Variants in PEBP4 observed in about 807,000 individuals in gnomAD.
The protein encoded by PEBP4 is phosphatidylethanolamine binding protein 4.
PEBP4 carries 22 observed loss-of-function variants against 23.9 expected under a neutral mutation model. The observed-to-expected ratio is 0.92, with a 90% CI of 0.66 to 1.31. The LOEUF (loss-of-function observed/expected upper bound fraction) is 1.31, where lower values mean the gene tolerates loss of function less well. Ranked by LOEUF, PEBP4 falls within the 40% of genes most tolerant of loss-of-function variation. PEBP4 has a pLI of 0.00. For missense variants in PEBP4, 324 were observed against 281.7 expected, an observed-to-expected ratio of 1.15 and a Z score of -1.07; for synonymous variants, 112 against 99.3, an observed-to-expected ratio of 1.13 and a Z score of -0.76.
At chr8:22,939,531 G>A (rs571025012) in intron 1 of PEBP4, among the ~76,000 whole-genome samples, 1 of 152,144 alleles carries the variant, frequency 6.6e-6, no homozygotes, top group South Asian at 2.1e-4. Flanking sequence ...ATGGCTTATT[G>A]TTAAGTTCAT....
At chr8:22,744,260 A>T (rs769065826) in intron 4 of PEBP4, among the ~76,000 whole-genome samples, 8 of 152,172 alleles carry the variant, frequency 5.3e-5, no homozygotes, top group Non-Finnish European at 1.0e-4. Context: ...GTAGCACCTG[A>T]GGGAGGTGGG....
At chr8:22,772,727 G>C (rs1264044846) in intron 4 of PEBP4, among the ~76,000 whole-genome samples, 1 of 152,156 alleles carries the variant, frequency 6.6e-6, no homozygotes, top group Non-Finnish European at 1.5e-5. Flanking sequence ...GCTGGTCTGG[G>C]ACCCAGGCCC....
intron 4 of PEBP4, among the ~76,000 whole-genome samples, chr8:22,752,009 A>G (rs1302405359): frequency 6.6e-6 from 1 of 152,060 alleles, no homozygotes; most frequent in African/African-American, 2.4e-5. Context: ...CAATCCTCCT[A>G]CCTCAGCCTC....
intron 3 of PEBP4, among the ~76,000 whole-genome samples, chr8:22,855,339 C>G (rs1251242956): frequency 1.3e-5 from 2 of 152,144 alleles, no homozygotes; most frequent in Non-Finnish European, 2.9e-5. Context: ...ATGCAGGGAA[C>G]TTTTGTAAAG....
chr8:22,830,570 T>A (rs1032932218), intron 3 of PEBP4, among the ~76,000 whole-genome samples: 1 of 152,174 alleles, frequency 6.6e-6, no homozygotes, highest in African/African-American at 2.4e-5. Context: ...CCACTTTCCA[T>A]CTTCCTTTGG....
At chr8:22,739,969 G>C (rs1206525956) in intron 4 of PEBP4, among the ~76,000 whole-genome samples, 3 of 152,224 alleles carry the variant, frequency 2.0e-5, no homozygotes, top group African/African-American at 7.2e-5. Flanking sequence ...AAGGCTGGTA[G>C]CAGCAGGTGG....
intron 5 of PEBP4, among the ~76,000 whole-genome samples, chr8:22,726,034 C>CTGTGTGTGT (rs1804618286): frequency 1.0e-5 from 1 of 97,984 alleles, no homozygotes; most frequent in Non-Finnish European, 2.6e-5. Context: ...TGTGTGTGCA[C>CTGTGTGTGT]GCGCATGTGC....
chr8:22,781,989 T>C (rs1464315559), intron 4 of PEBP4, among the ~76,000 whole-genome samples: 1 of 152,186 alleles, frequency 6.6e-6, no homozygotes, highest in East Asian at 1.9e-4. Flanking sequence ...TCCCCCTCTT[T>C]AATCTCAGCA....
intron 4 of PEBP4, among the ~76,000 whole-genome samples, chr8:22,781,316 G>T (rs1378930413): frequency 6.6e-6 from 1 of 152,156 alleles, no homozygotes; most frequent in Non-Finnish European, 1.5e-5. Context: ...GGAAGGGGCT[G>T]GTGGAAACTC....
intron 4 of PEBP4, among the ~76,000 whole-genome samples, chr8:22,780,468 A>T (rs898013579): frequency 1.3e-5 from 2 of 151,546 alleles, no homozygotes; most frequent in African/African-American, 4.9e-5. Flanking sequence ...AGTAGAGAGA[A>T]CCTCCCTGGG....
At chr8:22,914,665 C>G (rs1809032568) in intron 3 of PEBP4, among the ~76,000 whole-genome samples, 1 of 152,224 alleles carries the variant, frequency 6.6e-6, no homozygotes, top group African/African-American at 2.4e-5. Flanking sequence ...AGAGTCCACG[C>G]CTGCTGGAAC....
intron 4 of PEBP4, among the ~76,000 whole-genome samples, chr8:22,799,198 G>A (rs940836524): frequency 3.3e-5 from 5 of 152,086 alleles, no homozygotes; most frequent in South Asian, 2.1e-4. Flanking sequence ...CCCTCCTGCC[G>A]TCCTCCCTTC....
Position 22,817,745 on chromosome 8 carries a change from A to G in PEBP4, c.259-10T>C, listed in dbSNP as rs1806774672. 3 of 1,612,146 alleles carry G rather than the reference A, an allele frequency of 1.9e-6. No individual in the cohort carries two copies. Among genetic ancestry groups the G allele is most frequent in the Admixed American group, 1.7e-5 (1 of 60,028 alleles). On this transcript the variant is annotated splice_polypyrimidine_tract_variant and intron_variant, in intron 3 of 6. Coordinates refer to ENST00000256404, the MANE Select transcript of PEBP4 (RefSeq NM_144962.3). ...GGATATAGGTTGCGCCCTGTAACAC[A>G]TGTACCGAAAAGTAATGTAGCGTCA...
intron 2 of PEBP4, among the ~76,000 whole-genome samples, chr8:22,920,905 C>G (rs1031029157): frequency 1.3e-5 from 2 of 152,242 alleles, no homozygotes; most frequent in African/African-American, 4.8e-5. Context: ...GCAAACATCC[C>G]TCAGGGGGTA....
chr8:22,725,022 C>T (rs1469873498), intron 5 of PEBP4, 66 bp from the exon 6 acceptor site: 1 of 1,385,780 alleles, frequency 7.2e-7, no homozygotes, highest in African/African-American at 1.4e-5. Flanking sequence ...GAGCTCTCTG[C>T]CTTCCCATGG....
intron 6 of PEBP4, among the ~76,000 whole-genome samples, chr8:22,720,490 G>A (rs17088571): frequency 0.063 from 9,642 of 152,328 alleles, 456 homozygotes; most frequent in East Asian, 0.21. Context: ...GCACACAAGG[G>A]CAATGGTACA....
intron 4 of PEBP4, among the ~76,000 whole-genome samples, chr8:22,809,427 G>T (rs1390757151): frequency 6.6e-6 from 1 of 152,124 alleles, no homozygotes; most frequent in Non-Finnish European, 1.5e-5. Flanking sequence ...CCACCTCTGA[G>T]CCCCCACACA....
intron 3 of PEBP4, among the ~76,000 whole-genome samples, chr8:22,867,515 C>T (rs73215088): frequency 0.22 from 34,092 of 152,054 alleles, 4,715 homozygotes; most frequent in South Asian, 0.36. Context: ...GTCTTGTCCT[C>T]CACACCTGGC....
intron 4 of PEBP4, among the ~76,000 whole-genome samples, chr8:22,773,718 C>T (rs1027695954): frequency 3.3e-5 from 5 of 152,126 alleles, no homozygotes; most frequent in African/African-American, 9.7e-5. Context: ...CACTAGGGAG[C>T]GGGTGGGGGC....
Sources: allele counts gnomAD v4.1 joint callset (sites outside exome capture counted in the v4.1 genomes callset), GRCh38; gene constraint gnomAD v4.1.1; transcripts MANE v1.5; gene names NCBI Gene and HGNC (gene_info 2026-07-23, HGNC 2026-07-21).